Variants in IMMP2L observed in about 807,000 individuals in gnomAD.
IMMP2L encodes mitochondrial inner membrane protease subunit 2.
Under a neutral mutation model 19.3 loss-of-function variants are expected in IMMP2L, and 18 were observed. That is an observed-to-expected ratio of 0.93 (90% CI 0.64 to 1.38). The LOEUF is 1.38. IMMP2L is among the 40% of genes most tolerant of loss of function. The pLI, the probability that IMMP2L is intolerant of heterozygous loss-of-function variation, is 0.00. For synonymous variants in IMMP2L, 76 were observed against 73.0 expected, an observed-to-expected ratio of 1.04 and a Z score of -0.21; for missense variants, 233 against 218.2, an observed-to-expected ratio of 1.07 and a Z score of -0.43.
At chr7:111,554,927 G>A (rs1791090383) in intron 1 of IMMP2L, among the ~76,000 whole-genome samples, 1 of 152,046 alleles carries the variant, frequency 6.6e-6, no homozygotes, top group African/African-American at 2.4e-5. Context: ...GCCCTGAGGG[G>A]TCCTTAACCC....
At chr7:110,820,576 A>C (rs1367950125) in intron 5 of IMMP2L, among the ~76,000 whole-genome samples, 1 of 151,498 alleles carries the variant, frequency 6.6e-6, no homozygotes, top group African/African-American at 2.4e-5. Flanking sequence ...ACACACACAC[A>C]CCCACCCACC....
At chr7:110,814,880 A>G (rs115000612) in intron 5 of IMMP2L, among the ~76,000 whole-genome samples, 28 of 151,960 alleles carry the variant, frequency 1.8e-4, no homozygotes, top group African/African-American at 6.5e-4. Flanking sequence ...TATTTAATCT[A>G]TTTCCTCCTC....
At chr7:111,159,100 C>A (rs1432639411) in intron 3 of IMMP2L, among the ~76,000 whole-genome samples, 1 of 151,986 alleles carries the variant, frequency 6.6e-6, no homozygotes, top group Non-Finnish European at 1.5e-5. Flanking sequence ...ATTTTCGGTT[C>A]AAGTTGATGC....
intron 5 of IMMP2L, among the ~76,000 whole-genome samples, chr7:110,768,192 T>A (rs977181755): frequency 1.5e-5 from 2 of 137,346 alleles, no homozygotes; most frequent in Non-Finnish European, 3.1e-5. Flanking sequence ...GGGTGACATT[T>A]GACTAGATCT....
At chr7:111,368,070 A>G (rs1368120289) in intron 3 of IMMP2L, among the ~76,000 whole-genome samples, 1 of 151,884 alleles carries the variant, frequency 6.6e-6, no homozygotes, top group Admixed American at 6.6e-5. Flanking sequence ...TTCTCAATCT[A>G]TACACACTAG....
intron 3 of IMMP2L, among the ~76,000 whole-genome samples, chr7:111,471,253 G>C (rs1252670972): frequency 1.3e-5 from 2 of 152,074 alleles, no homozygotes; most frequent in African/African-American, 4.8e-5. Flanking sequence ...ACTCTTTCCA[G>C]ATGCTTGGAA....
At chr7:111,310,669 A>T (rs1823414928) in intron 3 of IMMP2L, among the ~76,000 whole-genome samples, 1 of 152,164 alleles carries the variant, frequency 6.6e-6, no homozygotes, top group Admixed American at 6.6e-5. Flanking sequence ...TATGTACTAC[A>T]TTATGACAGA....
intron 2 of IMMP2L, among the ~76,000 whole-genome samples, chr7:111,512,699 C>T (rs187899298): frequency 8.9e-4 from 135 of 152,084 alleles, no homozygotes; most frequent in African/African-American, 3.2e-3. Context: ...CACTACTTAA[C>T]TCAAATGCAA....
At chr7:110,724,481 TTC>T (rs927989092) in intron 5 of IMMP2L, 1 of 152,170 alleles carries the variant, frequency 6.6e-6, no homozygotes, top group Non-Finnish European at 1.5e-5. Flanking sequence ...GAACCAAAGT[TTC>T]TGTTTGCTAC....
intron 3 of IMMP2L, among the ~76,000 whole-genome samples, chr7:111,121,007 C>T (rs1269386190): frequency 6.7e-6 from 1 of 150,368 alleles, no homozygotes; most frequent in East Asian, 1.9e-4. Flanking sequence ...AACTAAATTT[C>T]AAAGCTAATG....
At chr7:111,557,011 G>C (rs1158307163) in intron 1 of IMMP2L, among the ~76,000 whole-genome samples, 1 of 151,964 alleles carries the variant, frequency 6.6e-6, no homozygotes, top group African/African-American at 2.4e-5. Context: ...TCACAACCCA[G>C]AAACCTAGGA....
At chr7:111,524,199 T>C (rs1275037917) in intron 1 of IMMP2L, among the ~76,000 whole-genome samples, 1 of 152,034 alleles carries the variant, frequency 6.6e-6, no homozygotes, top group African/African-American at 2.4e-5. Context: ...AGTCTTATAA[T>C]AAATTTAAAA....
chr7:110,704,437 G>A (rs1335325970), intron 5 of IMMP2L, among the ~76,000 whole-genome samples: 1 of 152,148 alleles, frequency 6.6e-6, no homozygotes, highest in Admixed American at 6.5e-5. Flanking sequence ...GCTATTCTGA[G>A]CAATATTTGT....
chr7:110,912,881 T>G (rs539308870), intron 4 of IMMP2L, among the ~76,000 whole-genome samples: 1 of 152,028 alleles, frequency 6.6e-6, no homozygotes, highest in East Asian at 1.9e-4. Context: ...AACTTGTGAT[T>G]TTGCATCTCC....
intron 3 of IMMP2L, among the ~76,000 whole-genome samples, chr7:111,092,208 T>C (rs149074643): frequency 1.4e-3 from 212 of 152,300 alleles, no homozygotes; most frequent in Middle Eastern, 3.4e-3. Flanking sequence ...AAATGTCTGA[T>C]TGCTAATGCA....
chr7:110,824,259 C>T (rs954112399), intron 5 of IMMP2L, among the ~76,000 whole-genome samples: 2 of 151,906 alleles, frequency 1.3e-5, no homozygotes, highest in African/African-American at 4.8e-5. Context: ...CTTCTTTAGC[C>T]CCTAATCATT....
At chr7:110,873,507 T>C (rs1324583038) in intron 5 of IMMP2L, among the ~76,000 whole-genome samples, 3 of 148,958 alleles carry the variant, frequency 2.0e-5, no homozygotes, top group Admixed American at 6.7e-5. Context: ...CTCACGCCTT[T>C]AATCCCAGCA....
intron 3 of IMMP2L, among the ~76,000 whole-genome samples, chr7:110,975,981 T>TA (rs1296725565): frequency 6.6e-6 from 1 of 152,064 alleles, no homozygotes; most frequent in African/African-American, 2.4e-5. Context: ...GGATTTTTTT[T>TA]AACGTATGGG....
chr7:111,113,523 T>C (rs1432097230), intron 3 of IMMP2L, among the ~76,000 whole-genome samples: 1 of 152,180 alleles, frequency 6.6e-6, no homozygotes, highest in African/African-American at 2.4e-5. Flanking sequence ...TCACTTCATT[T>C]ATTTTTTTCT....
Sources: allele counts gnomAD v4.1 joint callset (sites outside exome capture counted in the v4.1 genomes callset), GRCh38; gene constraint gnomAD v4.1.1; transcripts MANE v1.5; gene names NCBI Gene and HGNC (gene_info 2026-07-23, HGNC 2026-07-21).